VMA22: variants seen among roughly 807,000 people sequenced by gnomAD.
VMA22 encodes the protein vacuolar ATPase assembly factor VMA22, also known as vacuolar ATPase assembly protein VMA22.
chr2:130,340,685 C>G, the VMA22 span: 3 of 580,258 alleles, frequency 5.2e-6, no homozygotes, highest in Non-Finnish European at 9.2e-6. Flanking sequence ...GTGTTTGTCT[C>G]TTTTGTTCCC....
At chr2:130,339,052 A>G in the VMA22 span, 2 of 1,188,284 alleles carry the variant, frequency 1.7e-6, no homozygotes, top group Non-Finnish European at 2.5e-6. Context: ...GTGAAGGAAG[A>G]AGGCCTGAGA....
the VMA22 span, chr2:130,338,463 AAATG>A: frequency 2.0e-5 from 3 of 152,366 alleles, no homozygotes; most frequent in East Asian, 3.9e-4. Context: ...CCCAGTAGAA[AAATG>A]AATGAAGTTC....
chr2:130,339,464 T>C, the VMA22 span: 2 of 1,398,846 alleles, frequency 1.4e-6, no homozygotes, highest in Non-Finnish European at 1.9e-6. Flanking sequence ...ACCCATTATA[T>C]CACCCACCAG....
At chr2:130,339,346 T>C in the VMA22 span, 1 of 1,338,044 alleles carries the variant, frequency 7.5e-7, no homozygotes, top group Non-Finnish European at 1.0e-6. Flanking sequence ...CCCCCACACT[T>C]GTCCCAAAAC....
chr2:130,342,272 C>A, the VMA22 span: 2 of 1,495,402 alleles, frequency 1.3e-6, no homozygotes, highest in Non-Finnish European at 1.8e-6. Context: ...TCTGGGTCAG[C>A]TTCTTTAAGG....
the VMA22 span, chr2:130,340,433 T>G: frequency 4.5e-6 from 1 of 221,976 alleles, no homozygotes; most frequent in Admixed American, 5.3e-5. Flanking sequence ...GCCACCGGCC[T>G]CGGCACATAC....
chr2:130,342,479 G>A, the VMA22 span: 1 of 514,842 alleles, frequency 1.9e-6, no homozygotes, highest in Non-Finnish European at 3.4e-6. Flanking sequence ...AACCATTTTG[G>A]TTGAGGGAAG....
At chr2:130,341,952 G>C in the VMA22 span, 7 of 1,613,304 alleles carry the variant, frequency 4.3e-6, no homozygotes, top group African/African-American at 2.7e-5. Flanking sequence ...GCCCTGCAGG[G>C]AGAGGAAAGC....
At chr2:130,341,492 A>G in the VMA22 span, 1 of 599,818 alleles carries the variant, frequency 1.7e-6, no homozygotes, top group Non-Finnish European at 3.0e-6. Context: ...CAACTCACCA[A>G]CAATTTCTCT....
At chr2:130,339,609 C>T in the VMA22 span, 24 of 1,305,590 alleles carry the variant, frequency 1.8e-5, no homozygotes, top group Non-Finnish European at 2.4e-5. Context: ...CTGGATCCAC[C>T]TCTAGATGGC....
At chr2:130,339,936 A>T in the VMA22 span, 6 of 834,054 alleles carry the variant, frequency 7.2e-6, no homozygotes, top group Non-Finnish European at 9.7e-6. Flanking sequence ...TGGACTCCCA[A>T]ATCTCTCTCC....
the VMA22 span, chr2:130,339,436 C>A: frequency 2.8e-6 from 4 of 1,416,722 alleles, no homozygotes; most frequent in East Asian, 1.0e-4. Context: ...TAAAATGTCA[C>A]CTCCTTAGAC....
At chr2:130,339,434 C>G in the VMA22 span, 2 of 1,418,154 alleles carry the variant, frequency 1.4e-6, no homozygotes, top group Non-Finnish European at 9.2e-7. Flanking sequence ...GCTAAAATGT[C>G]ACCTCCTTAG....
At chr2:130,338,902 G>A in the VMA22 span, 1 of 549,284 alleles carries the variant, frequency 1.8e-6, no homozygotes, top group Non-Finnish European at 3.3e-6. Context: ...GGGAACTCAG[G>A]CCTTAGAATG....
At chr2:130,338,168 C>T in the VMA22 span, 6 of 152,154 alleles carry the variant, frequency 3.9e-5, no homozygotes, top group Admixed American at 3.9e-4. Flanking sequence ...CAGTTACAAA[C>T]CCAAATTCAG....
the VMA22 span, chr2:130,341,054 G>C: frequency 6.3e-7 from 1 of 1,586,220 alleles, no homozygotes; most frequent in Non-Finnish European, 8.6e-7. Context: ...GGAAAGAAAG[G>C]TTGGAGGAGG....
the VMA22 span, chr2:130,339,208 G>A: frequency 1.2e-6 from 2 of 1,614,170 alleles, no homozygotes; most frequent in Middle Eastern, 1.6e-4. Flanking sequence ...CTGGAGGCTG[G>A]CTATGTCTGC....
At chr2:130,338,208 G>A in the VMA22 span, 21 of 152,224 alleles carry the variant, frequency 1.4e-4, no homozygotes, top group African/African-American at 4.8e-4. Flanking sequence ...ACATTCAACT[G>A]TACGTACAAA....
the VMA22 span, chr2:130,340,922 G>A: frequency 6.2e-7 from 1 of 1,614,100 alleles, no homozygotes; most frequent in South Asian, 1.1e-5. Context: ...CCGGAAGCTT[G>A]CTTGAGCCTG....
Sources: allele counts gnomAD v4.1 joint callset, GRCh38; gene constraint gnomAD v4.1.1; transcripts MANE v1.5; gene names NCBI Gene and HGNC (gene_info 2026-07-23, HGNC 2026-07-21).